The following MMP27 variants were observed in gnomAD, a reference collection of about 807,000 sequenced individuals.
The protein encoded by MMP27 is matrix metallopeptidase 27, also known as matrix metalloproteinase-27.
In MMP27, 51 loss-of-function variants were observed where a neutral mutation model predicts 48.1. That is an observed-to-expected ratio of 1.06 (90% CI 0.85 to 1.34). The LOEUF is 1.34. Among genes scored for constraint, MMP27 ranks in the 40% most tolerant of loss-of-function variants. The probability of loss-of-function intolerance (pLI) is 0.00; values close to 1 mark genes in which losing one functional copy is unlikely to be tolerated. For missense variants in MMP27, 698 were observed against 619.3 expected (o/e 1.13, Z -1.35); for synonymous variants, 229 against 208.9 (o/e 1.10, Z -0.83).
chr11:102,701,565 C>T (rs1353410815), intron 4 of MMP27, among the ~76,000 whole-genome samples: 3 of 152,198 alleles, frequency 2.0e-5, no homozygotes, highest in East Asian at 3.9e-4. Context: ...TGAAACATGT[C>T]TCAGCAGAAG....
chr11:102,705,356 T>C (rs912497399), intron 1 of MMP27, among the ~76,000 whole-genome samples: 1 of 152,126 alleles, frequency 6.6e-6, no homozygotes, highest in Non-Finnish European at 1.5e-5. Flanking sequence ...GCTCTCTCCT[T>C]TCTCCTCGCA....
chr11:102,696,472 A>T lies in MMP27; in HGVS notation c.801T>A (p.Pro267=). ...QSIYGGLPKE[P]AKPKEPTIPH... is the part of the protein sequence containing the mutation. ...GTATAGTGGGTTCCTTTGGCTTAGC[A>T]GGTTCCTTAGGCAGACCTCCTTTGA... The change falls in exon 6 of 10, where the codon CCT becomes CCA. Residue 267 remains proline (P), a synonymous_variant. Coordinates refer to ENST00000260229, the MANE Select transcript of MMP27 (RefSeq NM_022122.3). 1.2e-6 allele frequency: 2 copies of T among 1,613,734 alleles called. No homozygotes were observed. Among genetic ancestry groups the T allele is most frequent in the East Asian group, 2.2e-5 (1 of 44,856 alleles).
chr11:102,702,905 A>AAAAAG lies in MMP27; in HGVS notation c.491-29_491-25dup, dbSNP rs752294567. On this transcript the variant is annotated intron_variant, in intron 3 of 9. Transcript: ENST00000260229. ...GACTGAGATACAATTTATGCGAGGA[A>AAAAAG]AAAAGATCAGCTTCCTCAAATCTCC... The AAAAAG allele has an allele frequency of 7.4e-6, 12 of 1,612,166 alleles. No homozygotes were observed. The African/African-American group carries it at 1.6e-4, about 22-fold the overall frequency.
At chr11:102,701,665 C>T (rs996199612) in intron 4 of MMP27, among the ~76,000 whole-genome samples, 6 of 152,246 alleles carry the variant, frequency 3.9e-5, no homozygotes, top group African/African-American at 1.4e-4. Flanking sequence ...GCTTGTGATG[C>T]TAAGTCATGT....
At chr11:102,705,069 G>A (rs543702801) in intron 1 of MMP27, among the ~76,000 whole-genome samples, 2 of 152,286 alleles carry the variant, frequency 1.3e-5, no homozygotes, top group Admixed American at 6.5e-5. Context: ...ATGAAGCTTC[G>A]TCTGTCTGTT....
At position 102,696,744 on chromosome 11, in the gene MMP27, A is replaced by G. The variant is rs767361331; in HGVS notation, c.711T>C (p.Asn237=). The G allele has an allele frequency of 1.1e-5, 17 of 1,613,780 alleles. No individual in the cohort carries two copies. In the East Asian group the frequency reaches 3.8e-4, roughly 36 times the overall value. The change falls in exon 5 of 10, where the codon AAT becomes AAC. Residue 237 remains asparagine (N), a synonymous_variant. Coordinates refer to ENST00000260229, the MANE Select transcript of MMP27 (RefSeq NM_022122.3). The part of the protein sequence containing the change: ...SNDQTALMFP[N]YVSLDPRKYP... ...ATTTTCTGGGATCCAGGGAGACATAATTTGGGAACATCAAGGCTGTTTGAT... is the reference window on the plus strand; with the variant it reads ...ATTTTCTGGGATCCAGGGAGACATAGTTTGGGAACATCAAGGCTGTTTGAT...
intron 4 of MMP27, among the ~76,000 whole-genome samples, chr11:102,698,376 A>G (rs539186988): frequency 3.0e-4 from 45 of 152,280 alleles, no homozygotes; most frequent in African/African-American, 9.6e-4. Context: ...ATATGATTAA[A>G]TGGCACATAA....
chr11:102,705,583 A>C, intron 1 of MMP27, 30 bp downstream of exon 1: 1 of 1,281,056 alleles, frequency 7.8e-7, no homozygotes, highest in Non-Finnish European at 1.1e-6. Context: ...TTTTATCAAT[A>C]GTCATCGATA....
chr11:102,694,101 G>T, intron 7 of MMP27, 36 bp from the exon 8 acceptor site: 2 of 1,438,986 alleles, frequency 1.4e-6, no homozygotes, highest in South Asian at 1.6e-5. Context: ...TTTTCTAGAG[G>T]GAGAAATAGG....
rs377471187 is a variant in MMP27, at chr11:102,702,875, C to T, written c.497G>A (p.Gly166Asp). ...IMIAFRTRVH[G>D]RCPRYFDGPL... is the part of the protein sequence containing the mutation. Reference sequence around the variant, plus strand: ...ACCATCAAAATAGCGAGGACACCGACCATGGACTGAGATACAATTTATGCG... The same window carrying T: ...ACCATCAAAATAGCGAGGACACCGATCATGGACTGAGATACAATTTATGCG... The change falls in exon 4 of 10, where the codon GGT becomes GAT. Residue 166 changes from glycine (G) to aspartate (D), a missense_variant. By Grantham distance (94) the Gly-to-Asp change is moderately conservative (BLOSUM62 -1). Coordinates refer to ENST00000260229, the MANE Select transcript of MMP27 (RefSeq NM_022122.3). The T allele has an allele frequency of 1.2e-6, 2 of 1,613,314 alleles. No homozygotes were observed. Among genetic ancestry groups the T allele is most frequent in the Non-Finnish European group, 1.7e-6 (2 of 1,179,808 alleles).
rs776480618 is a variant in MMP27 at position 102,702,764 on chromosome 11, T to G, written c.608A>C (p.Lys203Thr). 2 of 1,609,372 alleles carry G rather than the reference T, an allele frequency of 1.2e-6. No homozygotes were observed. Among genetic ancestry groups the G allele is most frequent in the Admixed American group, 1.7e-5 (1 of 58,480 alleles). The change falls in exon 4 of 10, where the codon AAG (lysine) becomes ACG (threonine). Residue 203 changes from lysine (K) to threonine (T), a missense_variant. Physicochemically the swap from Lys to Thr is moderately conservative, Grantham distance 78. Coordinates refer to ENST00000260229, the MANE Select transcript of MMP27 (RefSeq NM_022122.3). ...AAAATTAGACTCACCTGCTCCATCC[T>G]TGGTCCAGTTTTCATCCTCATCAAA... is the stretch of plus-strand genomic sequence containing the variant. ...THFDEDENWT[K>T]DGAGFNLFLV...
rs1435032826 is a variant in MMP27, at chr11:102,696,252, A to G, written c.902+119T>C. The G allele has an allele frequency of 8.2e-6, 8 of 981,514 alleles. No homozygotes were observed. In the South Asian group the frequency reaches 1.2e-4, roughly 15 times the overall value. 60.8% of individuals were successfully genotyped at this position (981,514 alleles called of 1,614,324 possible). A position where few individuals can be genotyped will look rare whatever the true frequency, so the allele number is the denominator to read the frequency against. On this transcript the variant is annotated intron_variant, in intron 6 of 9. Transcript: ENST00000260229. Reference sequence around the variant, plus strand: ...AAGCATTCAAACAGTATAGGCAGTTATAAAATGAAGATAAAAGGCACACAT... The same window carrying G: ...AAGCATTCAAACAGTATAGGCAGTTGTAAAATGAAGATAAAAGGCACACAT...
intron 4 of MMP27, among the ~76,000 whole-genome samples, chr11:102,699,840 A>T (rs1860905551): frequency 1.3e-5 from 2 of 152,170 alleles, no homozygotes; most frequent in South Asian, 4.1e-4. Context: ...TGTCTTCTAC[A>T]ATTCTATTCC....
intron 4 of MMP27, among the ~76,000 whole-genome samples, chr11:102,700,641 A>G (rs910861030): frequency 2.0e-5 from 3 of 152,234 alleles, no homozygotes. Context: ...CCCTGAAAGG[A>G]ACCAGTGTCT....
chr11:102,693,450 G>T (rs930694261), intron 8 of MMP27, among the ~76,000 whole-genome samples: 2 of 151,748 alleles, frequency 1.3e-5, no homozygotes, highest in Non-Finnish European at 2.9e-5. Context: ...ATCTCTTTCG[G>T]CTTGATAAAT....
rs781688352 is a variant in MMP27, at chr11:102,702,805, C to T, written c.567G>A (p.Leu189=). 3.1e-6 allele frequency: 5 copies of T among 1,614,022 alleles called. No homozygotes were observed. The South Asian group carries it at 4.4e-5, about 14-fold the overall frequency. The part of the protein sequence containing the change: ...LGHAFPPGPG[L]GGDTHFDEDE... ...CCTCATCAAAATGAGTGTCACCACC[C>T]AGACCCGGACCAGGAGGAAAGGCAT... Residue 189 remains leucine (L), a synonymous_variant, in exon 4 of 10, where the codon CTG becomes CTA. Coordinates refer to ENST00000260229, the MANE Select transcript of MMP27 (RefSeq NM_022122.3).
At chr11:102,702,096 C>G (rs537565080) in intron 4 of MMP27, among the ~76,000 whole-genome samples, 1 of 152,144 alleles carries the variant, frequency 6.6e-6, no homozygotes, top group Non-Finnish European at 1.5e-5. Context: ...ATATTTTTGT[C>G]AGAACAGTAG....
chr11:102,699,664 C>T (rs1341863802), intron 4 of MMP27, among the ~76,000 whole-genome samples: 6 of 152,116 alleles, frequency 3.9e-5, no homozygotes, highest in Admixed American at 2.6e-4. Context: ...TTTGTTGCTG[C>T]CCCTTGCCTG....
chr11:102,698,710 T>C (rs1039150106), intron 4 of MMP27, among the ~76,000 whole-genome samples: 1 of 152,182 alleles, frequency 6.6e-6, no homozygotes, highest in African/African-American at 2.4e-5. Flanking sequence ...TCAGGTTCTT[T>C]CTAATCTCTA....
Sources: gnomAD v4.1 joint callset for allele counts (sites outside exome capture counted in the v4.1 genomes callset) on GRCh38, gnomAD v4.1.1 for gene constraint, MANE v1.5 for transcripts, NCBI Gene and HGNC (gene_info 2026-07-23, HGNC 2026-07-21) for gene names.